The following RASEF variants were observed in gnomAD, a reference collection of about 807,000 sequenced individuals.
RASEF encodes the protein ras and EF-hand domain-containing protein.
RASEF carries 68 observed loss-of-function variants against 90.1 expected under a neutral mutation model. The ratio of observed to expected loss-of-function variants is 0.75; its 90% confidence interval spans 0.62 to 0.92. The LOEUF (loss-of-function observed/expected upper bound fraction) is 0.92. Among genes scored for constraint, RASEF ranks in the 40% least tolerant of loss-of-function variants. The pLI, the probability that RASEF is intolerant of heterozygous loss-of-function variation, is 0.00. For synonymous variants in RASEF, 331 were observed against 345.2 expected (o/e 0.96, Z 0.46); for missense variants, 949 against 937.2 (o/e 1.01, Z -0.16).
the RASEF span, among the ~76,000 whole-genome samples, chr9:83,093,070 T>C: frequency 4.6e-5 from 7 of 151,092 alleles, no homozygotes; most frequent in East Asian, 1.4e-3. Context: ...AGATACAGAG[T>C]GTCGATTGGT....
chr9:83,169,162 T>A, the RASEF span, among the ~76,000 whole-genome samples: 1 of 152,126 alleles, frequency 6.6e-6, no homozygotes, highest in Non-Finnish European at 1.5e-5. Context: ...GTTCAATCCA[T>A]GCTGCTGCAA....
chr9:83,116,825 G>A, the RASEF span, among the ~76,000 whole-genome samples: 2 of 152,096 alleles, frequency 1.3e-5, no homozygotes, highest in Admixed American at 6.6e-5. Flanking sequence ...GTCATAATAG[G>A]TAAAGAATAG....
chr9:83,135,849 C>T, the RASEF span, among the ~76,000 whole-genome samples: 1 of 152,074 alleles, frequency 6.6e-6, no homozygotes, highest in Non-Finnish European at 1.5e-5. Context: ...AAAAGAATTG[C>T]TCCCCTTAAC....
At chr9:83,153,732 A>G in the RASEF span, among the ~76,000 whole-genome samples, 2 of 152,188 alleles carry the variant, frequency 1.3e-5, no homozygotes, top group East Asian at 3.8e-4. Flanking sequence ...AGTCCTCAGT[A>G]CCAAGGGAGC....
chr9:83,020,269 G>C (rs1264516975), intron 3 of RASEF, among the ~76,000 whole-genome samples: 1 of 152,198 alleles, frequency 6.6e-6, no homozygotes, highest in Non-Finnish European at 1.5e-5. Flanking sequence ...AAGGAAAGGA[G>C]TGAAGAGATA....
At chr9:83,201,334 G>T in the RASEF span, 1 of 152,190 alleles carries the variant, frequency 6.6e-6, no homozygotes, top group Non-Finnish European at 1.5e-5. Context: ...TCTTAGCAGT[G>T]GGGAAAGCAT....
the RASEF span, among the ~76,000 whole-genome samples, chr9:83,175,014 T>A: frequency 6.6e-6 from 1 of 152,168 alleles, no homozygotes; most frequent in African/African-American, 2.4e-5. Context: ...CTGGGGTGTT[T>A]AATAGTAAAT....
chr9:83,016,970 C>A (rs150698924), intron 3 of RASEF, among the ~76,000 whole-genome samples: 26 of 152,284 alleles, frequency 1.7e-4, no homozygotes, highest in Non-Finnish European at 3.4e-4. Flanking sequence ...AAAGCAACAT[C>A]TTCCCTAAAG....
At position 82,992,905 on chromosome 9, in the gene RASEF, C is replaced by T. The variant is rs937747857; in HGVS notation, c.2040+1G>A. The T allele has an allele frequency of 4.3e-6, 7 of 1,613,508 alleles. No individual in the cohort carries two copies. The African/African-American group carries it at 8.0e-5, about 18-fold the overall frequency. On this transcript the variant is annotated splice_donor_variant, in intron 15 of 16. Coordinates refer to ENST00000376447, the MANE Select transcript of RASEF (RefSeq NM_152573.4). LOFTEE classifies it high-confidence loss of function. ...TAATTCTGAGGCATCCTCACTCTTA[C>T]CATGGCCAGTTTCTCTCCAAAGTGC...
chr9:83,036,884 TTTTG>T (rs902131434), intron 1 of RASEF, among the ~76,000 whole-genome samples: 6 of 152,120 alleles, frequency 3.9e-5, no homozygotes, highest in Non-Finnish European at 5.9e-5. Flanking sequence ...ATCTTCGTTT[TTTTG>T]TTTTTGTTTT....
At chr9:83,191,629 A>C in the RASEF span, among the ~76,000 whole-genome samples, 1 of 152,136 alleles carries the variant, frequency 6.6e-6, no homozygotes. Flanking sequence ...CCCCTTCCAC[A>C]CCAACCCTTG....
At chr9:83,143,159 G>A in the RASEF span, among the ~76,000 whole-genome samples, 5 of 152,170 alleles carry the variant, frequency 3.3e-5, no homozygotes, top group Admixed American at 6.5e-5. Flanking sequence ...ATTCAGGCAG[G>A]AGTGAAGAGC....
chr9:83,070,732 C>T, the RASEF span, among the ~76,000 whole-genome samples: 8 of 152,034 alleles, frequency 5.3e-5, no homozygotes, highest in African/African-American at 9.7e-5. Flanking sequence ...GAACTGATAT[C>T]TTAATAATAT....
the RASEF span, among the ~76,000 whole-genome samples, chr9:83,214,366 C>T: frequency 6.6e-6 from 1 of 152,086 alleles, no homozygotes; most frequent in Non-Finnish European, 1.5e-5. Flanking sequence ...GCCTGGGCAA[C>T]AGAGCAAGAC....
the RASEF span, among the ~76,000 whole-genome samples, chr9:83,069,315 C>T: frequency 6.6e-6 from 1 of 152,118 alleles, no homozygotes; most frequent in Non-Finnish European, 1.5e-5. Flanking sequence ...GCCATTGACC[C>T]CCTTCCCCTT....
chr9:83,089,165 A>AC, the RASEF span, among the ~76,000 whole-genome samples: 1 of 152,088 alleles, frequency 6.6e-6, no homozygotes, highest in African/African-American at 2.4e-5. Context: ...TTAATAGTAT[A>AC]CAAAAAAATT....
At chr9:83,047,117 T>G (rs560099129) in intron 1 of RASEF, among the ~76,000 whole-genome samples, 1 of 152,124 alleles carries the variant, frequency 6.6e-6, no homozygotes, top group African/African-American at 2.4e-5. Context: ...TGGCTGCTCT[T>G]GGTGTGCACG....
intron 1 of RASEF, among the ~76,000 whole-genome samples, chr9:83,044,325 A>G (rs977402477): frequency 5.3e-5 from 8 of 152,158 alleles, no homozygotes; most frequent in African/African-American, 1.9e-4. Flanking sequence ...CTGGACGGCT[A>G]TGGCTGCCCA....
chr9:83,048,176 T>A (rs886233120), intron 1 of RASEF: 1 of 985,382 alleles, frequency 1.0e-6, no homozygotes, highest in Non-Finnish European at 1.2e-6. Context: ...CAGCCCACAG[T>A]GTAGTAAGAG....
Sources: allele counts gnomAD v4.1 joint callset (sites outside exome capture counted in the v4.1 genomes callset), GRCh38; gene constraint gnomAD v4.1.1; transcripts MANE v1.5; gene names NCBI Gene and HGNC (gene_info 2026-07-23, HGNC 2026-07-21).